Variants in KHDC1 observed in about 807,000 individuals in gnomAD.
KHDC1 encodes the protein KH domain containing 1.
KHDC1 carries 21 observed loss-of-function variants against 24.7 expected under a neutral mutation model. That is an observed-to-expected ratio of 0.85 (90% confidence interval 0.60 to 1.23). KHDC1 has a LOEUF of 1.23. KHDC1 is among the 50% of genes most tolerant of loss of function. The probability of loss-of-function intolerance (pLI) is 0.00; values close to 1 mark genes in which losing one functional copy is unlikely to be tolerated. For missense variants in KHDC1, 274 were observed against 298.5 expected (o/e 0.92, Z 0.61); for synonymous variants, 98 against 111.7 (o/e 0.88, Z 0.77).
intron 1 of KHDC1, chr6:73,301,511 T>A (rs1767874901): frequency 6.6e-6 from 1 of 152,222 alleles, no homozygotes; most frequent in Admixed American, 6.5e-5. Context: ...AAACACCTTA[T>A]AATATACTGT....
intron 2 of KHDC1, among the ~76,000 whole-genome samples, chr6:73,254,640 G>GA (rs886069875): frequency 1.5e-4 from 23 of 152,008 alleles, no homozygotes; most frequent in African/African-American, 5.3e-4. Flanking sequence ...TATCTATACA[G>GA]AAAAAAGAAG....
At chr6:73,264,739 G>C (rs1447448092) in intron 2 of KHDC1, among the ~76,000 whole-genome samples, 1 of 152,194 alleles carries the variant, frequency 6.6e-6, no homozygotes, top group Non-Finnish European at 1.5e-5. Context: ...GGACCAGCCA[G>C]GGCCAAGGCA....
chr6:73,251,177 T>C (rs549423966), intron 2 of KHDC1, among the ~76,000 whole-genome samples: 5 of 152,250 alleles, frequency 3.3e-5, no homozygotes, highest in South Asian at 4.1e-4. Flanking sequence ...TCTGGCCTTA[T>C]TGAATACCAA....
At chr6:73,283,475 G>A (rs1345195277) in intron 2 of KHDC1, among the ~76,000 whole-genome samples, 2 of 151,906 alleles carry the variant, frequency 1.3e-5, no homozygotes, top group Non-Finnish European at 2.9e-5. Context: ...AGTCTCAAGT[G>A]ATCCATGCAA....
At chr6:73,304,036 A>C (rs547479688) in intron 1 of KHDC1, among the ~76,000 whole-genome samples, 4 of 152,000 alleles carry the variant, frequency 2.6e-5, no homozygotes, top group Non-Finnish European at 5.9e-5. Context: ...AAACTTAGCC[A>C]GGCGTGGTGG....
chr6:73,253,108 T>A (rs923657727), intron 2 of KHDC1, among the ~76,000 whole-genome samples: 19 of 152,184 alleles, frequency 1.2e-4, no homozygotes, highest in Non-Finnish European at 2.4e-4. Flanking sequence ...GCAGTTTTAC[T>A]AATGCATGAA....
chr6:73,280,570 G>C (rs1034812345), intron 2 of KHDC1, among the ~76,000 whole-genome samples: 7 of 147,692 alleles, frequency 4.7e-5, no homozygotes, highest in Admixed American at 6.8e-5. Flanking sequence ...GCCCAGGCTG[G>C]AGTACAATGG....
intron 2 of KHDC1, chr6:73,274,860 G>A (rs961641578): frequency 5.3e-5 from 8 of 152,366 alleles, no homozygotes; most frequent in African/African-American, 9.6e-5. Context: ...CCTACCATGC[G>A]AGCGCCACCT....
intron 2 of KHDC1, among the ~76,000 whole-genome samples, chr6:73,270,857 A>AT (rs1373312415): frequency 2.4e-4 from 37 of 151,482 alleles, no homozygotes; most frequent in Non-Finnish European, 3.5e-4. Context: ...CGCCTGGCTA[A>AT]TTTTTTGTAT....
intron 2 of KHDC1, 163 bp from the exon 2 acceptor site, chr6:73,242,693 T>G (rs1292921787): frequency 1.3e-6 from 1 of 765,374 alleles, no homozygotes; most frequent in Non-Finnish European, 2.0e-6. Context: ...AGATAATTCA[T>G]TCCAAGTAAT....
At chr6:73,253,323 AG>A (rs1258035597) in intron 2 of KHDC1, among the ~76,000 whole-genome samples, 4 of 151,946 alleles carry the variant, frequency 2.6e-5, no homozygotes, top group African/African-American at 4.8e-5. Flanking sequence ...TGGGAGGCCG[AG>A]GGGGGTGGAT....
intron 2 of KHDC1, among the ~76,000 whole-genome samples, chr6:73,273,849 T>C (rs1395496645): frequency 6.6e-6 from 1 of 152,086 alleles, no homozygotes; most frequent in East Asian, 1.9e-4. Flanking sequence ...CCAGGCACAA[T>C]GGTTCACACC....
intron 2 of KHDC1, among the ~76,000 whole-genome samples, chr6:73,265,869 T>C (rs1767072079): frequency 6.6e-6 from 1 of 152,000 alleles, no homozygotes; most frequent in African/African-American, 2.4e-5. Context: ...GGAGGATTGC[T>C]TGAGACCAGG....
At chr6:73,286,800 T>G (rs1371282968) in intron 2 of KHDC1, among the ~76,000 whole-genome samples, 1 of 152,002 alleles carries the variant, frequency 6.6e-6, no homozygotes, top group Non-Finnish European at 1.5e-5. Flanking sequence ...GGAGAATCAC[T>G]TGAACCTGAG....
chr6:73,252,654 TA>T (rs767494906), intron 2 of KHDC1, among the ~76,000 whole-genome samples: 180 of 141,496 alleles, frequency 1.3e-3, no homozygotes, highest in East Asian at 3.5e-3. Context: ...CTTCAAAAGA[TA>T]AAAAAAAAAA....
intron 2 of KHDC1, among the ~76,000 whole-genome samples, chr6:73,282,172 T>G (rs577008835): frequency 2.1e-5 from 3 of 140,766 alleles, no homozygotes; most frequent in Non-Finnish European, 3.1e-5. Flanking sequence ...GAGCCAAGAT[T>G]ACACCACTGC....
At chr6:73,255,475 G>A (rs1205714655) in intron 2 of KHDC1, among the ~76,000 whole-genome samples, 2 of 147,132 alleles carry the variant, frequency 1.4e-5, no homozygotes, top group African/African-American at 2.5e-5. Flanking sequence ...CGCCTTCTTG[G>A]CCTCCCAAAG....
intron 4 of KHDC1, 89 bp downstream of exon 3, chr6:73,241,966 A>G (rs564747296): frequency 1.5e-6 from 2 of 1,377,970 alleles, no homozygotes; most frequent in African/African-American, 2.9e-5. Flanking sequence ...CAGCCACACA[A>G]GGGATTCTTC....
exon 1 of KHDC1, chr6:73,309,631 A>G: frequency 1.3e-6 from 2 of 1,550,118 alleles, no homozygotes; most frequent in Non-Finnish European, 1.7e-6. Flanking sequence ...AGGGCCATCC[A>G]TAAATGAAGA....
Sources: gnomAD v4.1 joint callset for allele counts (sites outside exome capture counted in the v4.1 genomes callset) on GRCh38, gnomAD v4.1.1 for gene constraint, MANE v1.5 for transcripts, NCBI Gene and HGNC (gene_info 2026-07-23, HGNC 2026-07-21) for gene names.